EXOC3L2: variants seen among roughly 807,000 people sequenced by gnomAD.
EXOC3L2 encodes exocyst complex component 3-like protein 2.
In EXOC3L2, 17 loss-of-function variants were observed where a neutral mutation model predicts 44.4. That is an observed-to-expected ratio of 0.38 (90% CI 0.26 to 0.57). The LOEUF (loss-of-function observed/expected upper bound fraction) is 0.57. Ranked by LOEUF, EXOC3L2 falls within the 20% of genes least tolerant of loss-of-function variation. The pLI is 0.65. For synonymous variants in EXOC3L2, 256 were observed against 253.7 expected (o/e 1.01, Z -0.09); for missense variants, 541 against 588.4 (o/e 0.92, Z 0.83).
At position 45,234,810 on chromosome 19, in the gene EXOC3L2, G is replaced by A. The variant is rs548713519; in HGVS notation, c.540C>T (p.Ser180=). ...KEPLSVLEIL[S]LIQQRELARA... is the part of the protein sequence containing the mutation. The stretch of plus-strand genomic sequence containing the variant: ...GCGCTAGTTCGCGCTGCTGGATCAG[G>A]CTCAGGATCTCCAGCACTGCGGGAG... Residue 180 remains serine (S), a synonymous_variant, in exon 3 of 12, where the codon AGC becomes AGT. Transcript: ENST00000413988. The surrounding 1 kb of genome is among the most constrained non-coding windows in gnomAD (Gnocchi z 5.0). The A allele has an allele frequency of 2.3e-4, 92 of 395,204 alleles. No individual in the cohort carries two copies. Among genetic ancestry groups the A allele is most frequent in the Non-Finnish European group, 3.6e-4 (80 of 223,792 alleles). 24.5% of individuals were successfully genotyped at this position (395,204 alleles called of 1,614,324 possible).
chr19:45,218,404 C>T (rs1049118514), intron 8 of EXOC3L2, 85 bp from the exon 9 acceptor site: 2 of 1,439,320 alleles, frequency 1.4e-6, no homozygotes, highest in Non-Finnish European at 1.8e-6. Context: ...AACCCTGCTC[C>T]GTGTTGAACC....
At chr19:45,228,305 C>A in intron 4 of EXOC3L2, 39 bp from the exon 5 acceptor site, 1 of 1,586,388 alleles carries the variant, frequency 6.3e-7, no homozygotes, top group Non-Finnish European at 8.6e-7. Context: ...GAGTTGGGGG[C>A]GGCCTGGAGG....
intron 1 of EXOC3L2, among the ~76,000 whole-genome samples, chr19:45,240,375 C>T (rs996809277): frequency 1.3e-5 from 2 of 151,920 alleles, no homozygotes; most frequent in Non-Finnish European, 2.9e-5. Flanking sequence ...ACTTCTGCCT[C>T]CCAAAGTGCT....
At chr19:45,223,073 T>C (rs749942351) in intron 8 of EXOC3L2, among the ~76,000 whole-genome samples, 5 of 152,080 alleles carry the variant, frequency 3.3e-5, no homozygotes, top group Non-Finnish European at 5.9e-5. Context: ...GGCAACATAG[T>C]GAGACCCTGT....
In EXOC3L2 at chr19:45,232,431, T is replaced by C. The variant is rs185823735; in HGVS notation, c.1158-557A>G. Among the ~76,000 whole-genome samples, 441 of 152,294 alleles carry C rather than the reference T, an allele frequency of 2.9e-3. 1 individual carries two copies. The highest frequency in any genetic ancestry group is 9.6e-3 in the African/African-American group (399 of 41,564). On this transcript the variant is annotated intron_variant, in intron 3 of 11. Coordinates refer to ENST00000413988, the MANE Select transcript of EXOC3L2 (RefSeq NM_001382422.1). ...CTCCCTATCCTGCCTCCATCCCTTA[T>C]AGATAACATGAGAGCATTATTGACA... is the stretch of plus-strand genomic sequence containing the variant.
intron 8 of EXOC3L2, among the ~76,000 whole-genome samples, chr19:45,219,416 A>AG (rs1016335125): frequency 6.7e-6 from 1 of 149,242 alleles, no homozygotes; most frequent in African/African-American, 2.5e-5. Flanking sequence ...AAAAAAAAAG[A>AG]GAAAAAGTAA....
rs1198218695 is a variant in EXOC3L2, at chr19:45,216,213, G to A, written c.1999-19C>T. On this transcript the variant is annotated intron_variant, in intron 10 of 11. Transcript: ENST00000413988. Reference sequence around the variant, plus strand: ...GGGACTCCTGCAGGGGAGGGAGGGTGCGGGGTCACACCCTCCCAAGATTGA... The same window carrying A: ...GGGACTCCTGCAGGGGAGGGAGGGTACGGGGTCACACCCTCCCAAGATTGA... 6.2e-6 allele frequency: 10 copies of A among 1,612,452 alleles called. No homozygotes were observed. The highest frequency in any genetic ancestry group is 8.5e-6 in the Non-Finnish European group (10 of 1,179,608).
At chr19:45,213,976 C>T (rs1969806903) in intron 11 of EXOC3L2, among the ~76,000 whole-genome samples, 1 of 151,646 alleles carries the variant, frequency 6.6e-6, no homozygotes, top group African/African-American at 2.4e-5. Context: ...AAGAAAGAAA[C>T]CTTGTACCCC....
chr19:45,228,914 AC>A (rs1422127881), intron 4 of EXOC3L2, among the ~76,000 whole-genome samples: 1 of 150,414 alleles, frequency 6.6e-6, no homozygotes, highest in Admixed American at 6.6e-5. Flanking sequence ...CACTAAAAAT[AC>A]AAAAAATTAG....
Position 45,227,676 on chromosome 19 carries a change from G to A in EXOC3L2, c.1569C>T (p.Cys523=), listed in dbSNP as rs140390935. The A allele has an allele frequency of 9.7e-4, 1,560 of 1,611,436 alleles. 1 individual carries two copies. Among genetic ancestry groups the A allele is most frequent in the Non-Finnish European group, 1.2e-3 (1,407 of 1,179,386 alleles). Residue 523 remains cysteine (C), a synonymous_variant, in exon 7 of 12, where the codon TGC becomes TGT. Coordinates refer to ENST00000413988, the MANE Select transcript of EXOC3L2 (RefSeq NM_001382422.1). ...YISKTIALVN[C]GPPLRALAER... The stretch of plus-strand genomic sequence containing the variant: ...GATGCCCTCACCTCAGTGGGGGGCC[G>A]CAGTTGACCAGGGCGATGGTCTTGC...
intron 3 of EXOC3L2, among the ~76,000 whole-genome samples, chr19:45,233,826 C>T (rs1031526210): frequency 1.3e-5 from 2 of 152,056 alleles, no homozygotes; most frequent in Non-Finnish European, 2.9e-5. Context: ...AAAGTAGCAA[C>T]GCAAAGGTTC....
chr19:45,234,538 T>G lies in EXOC3L2; in HGVS notation c.812A>C (p.Glu271Ala), dbSNP rs994243185. ...GGGACCCCGACGCCCGTCGGCCGCC[T>G]CCTCCTGTACCAGCACCTGGCCCAG... is the stretch of plus-strand genomic sequence containing the variant. ...AQLGQVLVQE[E>A]AADGRRGPGA... Residue 271 changes from glutamate to alanine, a missense_variant, in exon 3 of 12, where the codon GAG (glutamate) becomes GCG (alanine). By Grantham distance (107) the Glu-to-Ala change is moderately radical (BLOSUM62 -1). Transcript: ENST00000413988. This position sits in a 1 kb window ranked among gnomAD's most constrained non-coding sequence, Gnocchi z 5.0. The G allele has an allele frequency of 7.9e-6, 2 of 252,584 alleles. No homozygotes were observed. The highest frequency in any genetic ancestry group is 4.6e-5 in the African/African-American group (2 of 43,150). 15.6% of individuals were successfully genotyped at this position (252,584 alleles called of 1,614,324 possible).
At chr19:45,215,889 AGCAGCGGCG>A (rs1442288022) in intron 11 of EXOC3L2, among the ~76,000 whole-genome samples, 175 bp downstream of exon 11, 1 of 152,154 alleles carries the variant, frequency 6.6e-6, no homozygotes, top group Non-Finnish European at 1.5e-5. Flanking sequence ...CGGCGGAGGC[AGCAGCGGCG>A]GCAGGAGAAG....
chr19:45,233,886 A>T (rs1422854960), intron 3 of EXOC3L2, among the ~76,000 whole-genome samples: 1 of 152,194 alleles, frequency 6.6e-6, no homozygotes, highest in Non-Finnish European at 1.5e-5. Context: ...GGAAGGGTGG[A>T]CAGCGAGGCG....
chr19:45,213,138 G>A lies in EXOC3L2; in HGVS notation c.2340C>T (p.Ala780=). 1 of 1,582,034 alleles carries A rather than the reference G, an allele frequency of 6.3e-7. No homozygotes were observed. Among genetic ancestry groups the A allele is most frequent in the Non-Finnish European group, 8.6e-7 (1 of 1,165,070 alleles). Residue 780 remains alanine (A), a synonymous_variant, in exon 12 of 12, where the codon GCC becomes GCT. Coordinates refer to ENST00000413988, the MANE Select transcript of EXOC3L2 (RefSeq NM_001382422.1). ...GAGGCAGACAGGCCAAACTGGGCCT[G>A]GCCAGCCGGGAGAGGGGGAGGCGGC... ...FLGRLPLSRL[A]RPSLACLPRP...
intron 1 of EXOC3L2, among the ~76,000 whole-genome samples, chr19:45,239,419 T>C (rs149724260): frequency 0.022 from 3,378 of 151,472 alleles, 55 homozygotes; most frequent in Non-Finnish European, 0.035. Context: ...GGTTTCACTG[T>C]GTGAGCCAAG....
chr19:45,243,738 T>G (rs1970148337), intron 1 of EXOC3L2, among the ~76,000 whole-genome samples: 2 of 152,172 alleles, frequency 1.3e-5, no homozygotes, highest in Non-Finnish European at 1.5e-5. Context: ...AAGCGATTTC[T>G]CCTGCCTCAG....
intron 7 of EXOC3L2, among the ~76,000 whole-genome samples, chr19:45,227,446 A>C (rs1423096202): frequency 6.6e-6 from 1 of 152,106 alleles, no homozygotes; most frequent in African/African-American, 2.4e-5. Context: ...TAGAGTCTTG[A>C]GTCCGGCGTC....
intron 1 of EXOC3L2, among the ~76,000 whole-genome samples, chr19:45,241,328 A>G (rs537415719): frequency 6.6e-6 from 1 of 152,040 alleles, no homozygotes; most frequent in African/African-American, 2.4e-5. Context: ...AATACAAAAA[A>G]TTAGCTGGGT....
Sources: gnomAD v4.1 joint callset for allele counts (sites outside exome capture counted in the v4.1 genomes callset) on GRCh38, gnomAD v4.1.1 for gene constraint, Gnocchi (gnomAD v3.1) non-coding constraint, MANE v1.5 for transcripts, NCBI Gene and HGNC (gene_info 2026-07-23, HGNC 2026-07-21) for gene names.